Variants in CHD7 observed in about 807,000 individuals in gnomAD.
The protein encoded by CHD7 is ATP-dependent chromatin remodeler CHD7.
CHD7 carries 24 observed loss-of-function variants against 307.3 expected under a neutral mutation model. The ratio of observed to expected loss-of-function variants is 0.08; its 90% CI spans 0.06 to 0.11. The LOEUF (loss-of-function observed/expected upper bound fraction) is 0.11. CHD7 is among the 10% of genes least tolerant of loss of function. The pLI, the probability that CHD7 is intolerant of heterozygous loss-of-function variation, is 1.00. For missense variants in CHD7, 3,106 were observed against 3,727.1 expected, an observed-to-expected ratio of 0.83 and a Z score of 4.34; for synonymous variants, 1,363 against 1,349.9, an observed-to-expected ratio of 1.01 and a Z score of -0.21.
chr8:60,692,499 C>T (rs910891632), intron 1 of CHD7, among the ~76,000 whole-genome samples: 4 of 152,150 alleles, frequency 2.6e-5, no homozygotes, highest in Admixed American at 6.5e-5. Flanking sequence ...GTTATTTCCA[C>T]GGGCATATAA....
At chr8:60,846,131 T>C (rs1805198979) in intron 23 of CHD7, among the ~76,000 whole-genome samples, 1 of 152,240 alleles carries the variant, frequency 6.6e-6, no homozygotes, top group South Asian at 2.1e-4. Flanking sequence ...GGGCTAGTTA[T>C]CATGGCTGTT....
chr8:60,862,821 A>C, intron 37 of CHD7, 169 bp downstream of exon 37: 1 of 380,408 alleles, frequency 2.6e-6, no homozygotes, highest in Non-Finnish European at 4.3e-6. Context: ...ATACATCATT[A>C]ATCCAAAGTG....
At position 60,742,945 on chromosome 8, in the gene CHD7, C is replaced by G; in HGVS notation, c.1513C>G (p.Gln505Glu). Residue 505 changes from glutamine to glutamate, a missense_variant, in exon 2 of 38, where the codon CAG becomes GAG. Gln to Glu is a conservative substitution (Grantham distance 29). This residue lies in a region of CHD7 where 998 missense variants were observed against 1,004.5 expected (regional missense o/e 0.99). Coordinates refer to ENST00000423902, the MANE Select transcript of CHD7 (RefSeq NM_017780.4). Reference sequence around the variant, plus strand: ...ACCTGGCCAACAACATCCTGGTCAACAGCCATCTTTTCAGCAGTTGCCAAC... The same window carrying G: ...ACCTGGCCAACAACATCCTGGTCAAGAGCCATCTTTTCAGCAGTTGCCAAC... ...LIPGQQHPGQ[Q>E]PSFQQLPTCP... 1 of 1,613,478 alleles carries G rather than the reference C, an allele frequency of 6.2e-7. No individual in the cohort carries two copies. The highest frequency in any genetic ancestry group is 2.2e-5 in the East Asian group (1 of 44,860).
In CHD7 at chr8:60,742,909, G is replaced by C; in HGVS notation, c.1477G>C (p.Glu493Gln). ...CCTTGGAGACCCACAAGCAATCCAG[G>C]AACGACTGATACCTGGCCAACAACA... ...VGLGDPQAIQ[E>Q]RLIPGQQHPG... is the part of the protein sequence containing the mutation. Residue 493 changes from glutamate (E) to glutamine (Q), a missense_variant, in exon 2 of 38, where the codon GAA becomes CAA. Coordinates refer to ENST00000423902, the MANE Select transcript of CHD7 (RefSeq NM_017780.4). 1 of 1,612,588 alleles carries C rather than the reference G, an allele frequency of 6.2e-7. No individual in the cohort carries two copies. Among genetic ancestry groups the C allele is most frequent in the Non-Finnish European group, 8.5e-7 (1 of 1,179,238 alleles).
At chr8:60,731,916 G>A (rs1808474479) in intron 1 of CHD7, among the ~76,000 whole-genome samples, 1 of 152,216 alleles carries the variant, frequency 6.6e-6, no homozygotes, top group Admixed American at 6.5e-5. Flanking sequence ...ACAGGCATGG[G>A]TCTTCGAAAG....
intron 1 of CHD7, among the ~76,000 whole-genome samples, chr8:60,680,511 C>A (rs766330480): frequency 2.6e-5 from 4 of 151,906 alleles, no homozygotes; most frequent in Non-Finnish European, 5.9e-5. Context: ...CATTACCGAG[C>A]CGCCTTTCTC....
chr8:60,679,261 GCGCCGCCCGCGTAGTGTCGCCGGCGT>G (rs971060068), intron 1 of CHD7, among the ~76,000 whole-genome samples, 179 bp downstream of exon 1: 1 of 148,098 alleles, frequency 6.8e-6, no homozygotes, highest in African/African-American at 2.4e-5. Context: ...CAGGAGCGCA[GCGCCGCCCGCGTAGTGTCGCCGGCGT>G]CGCCGCCCGC....
At chr8:60,782,350 T>C (rs1811291562) in intron 3 of CHD7, among the ~76,000 whole-genome samples, 1 of 152,220 alleles carries the variant, frequency 6.6e-6, no homozygotes, top group African/African-American at 2.4e-5. Flanking sequence ...CTGTGAACTT[T>C]TTGAGATTGC....
chr8:60,797,868 G>C lies in CHD7; in HGVS notation c.2239-2520G>C, dbSNP rs141983201. On this transcript the variant is annotated intron_variant, in intron 4 of 37. Coordinates refer to ENST00000423902, the MANE Select transcript of CHD7 (RefSeq NM_017780.4). ...CAGCTTTGGAAAGAAAAGGGAAGCTGTACAAGGTAACTGGGCCATTTTTCT... is the reference window on the plus strand; with the variant it reads ...CAGCTTTGGAAAGAAAAGGGAAGCTCTACAAGGTAACTGGGCCATTTTTCT... Among the ~76,000 whole-genome samples the C allele has an allele frequency of 3.1e-3, 474 of 152,320 alleles. 2 individuals carry two copies. Among genetic ancestry groups the C allele is most frequent in the Middle Eastern group, 0.014 (4 of 294 alleles).
chr8:60,805,536 A>G (rs531387720), intron 6 of CHD7, among the ~76,000 whole-genome samples: 1 of 152,322 alleles, frequency 6.6e-6, no homozygotes, highest in Admixed American at 6.5e-5. Flanking sequence ...TCCCAGAGGA[A>G]TAGCTGATCA....
chr8:60,791,652 C>T (rs140004120), intron 3 of CHD7, among the ~76,000 whole-genome samples: 1 of 152,284 alleles, frequency 6.6e-6, no homozygotes, highest in East Asian at 1.9e-4. Context: ...TGTCCTTTCT[C>T]CACCGGTCTG....
At chr8:60,830,295 T>G (rs1804450317) in intron 14 of CHD7, 27 bp from the exon 15 acceptor site, 1 of 1,598,386 alleles carries the variant, frequency 6.3e-7, no homozygotes, top group African/African-American at 1.4e-5. Flanking sequence ...ATCATGACAC[T>G]AGTATTTACT....
chr8:60,695,591 A>G (rs1806426994), intron 1 of CHD7, among the ~76,000 whole-genome samples: 1 of 152,210 alleles, frequency 6.6e-6, no homozygotes, highest in South Asian at 2.1e-4. Context: ...CAACTCTAAT[A>G]CTTGTGTATG....
At chr8:60,771,550 A>G (rs1183459931) in intron 2 of CHD7, among the ~76,000 whole-genome samples, 4 of 152,184 alleles carry the variant, frequency 2.6e-5, no homozygotes, top group Admixed American at 6.5e-5. Flanking sequence ...GCTTAAAACA[A>G]TATCTATTTC....
intron 2 of CHD7, among the ~76,000 whole-genome samples, chr8:60,745,992 T>C (rs1809304620): frequency 6.6e-6 from 1 of 152,234 alleles, no homozygotes; most frequent in African/African-American, 2.4e-5. Context: ...CCTTGCTACA[T>C]AATTATGTCA....
At chr8:60,751,192 A>G (rs185522022) in intron 2 of CHD7, among the ~76,000 whole-genome samples, 4 of 152,308 alleles carry the variant, frequency 2.6e-5, no homozygotes, top group African/African-American at 9.6e-5. Context: ...CCTCACCTCT[A>G]TCCCCTAGCT....
At chr8:60,824,824 A>G (rs1023806513) in intron 13 of CHD7, 64 of 152,242 alleles carry the variant, frequency 4.2e-4, no homozygotes, top group African/African-American at 1.5e-3. Context: ...CAGGAGCATC[A>G]TGGAATAACA....
chr8:60,851,947 C>G, intron 28 of CHD7, 72 bp from the exon 29 acceptor site: 2 of 1,015,866 alleles, frequency 2.0e-6, no homozygotes, highest in Non-Finnish European at 2.9e-6. Context: ...ATGAGTCATC[C>G]TGTTTTGTTG....
intron 15 of CHD7, among the ~76,000 whole-genome samples, chr8:60,831,939 C>T (rs1804536060): frequency 6.6e-6 from 1 of 152,218 alleles, no homozygotes; most frequent in African/African-American, 2.4e-5. Flanking sequence ...GTAGTCCACT[C>T]CTGGAAGATA....
Sources: gnomAD v4.1 joint callset for allele counts (sites outside exome capture counted in the v4.1 genomes callset) on GRCh38, gnomAD v4.1.1 for gene constraint, gnomAD v4.1.1 regional missense constraint, MANE v1.5 for transcripts, NCBI Gene and HGNC (gene_info 2026-07-23, HGNC 2026-07-21) for gene names.